Variants in PTPRD observed in about 807,000 individuals in gnomAD.
PTPRD encodes the protein receptor-type tyrosine-protein phosphatase delta.
Under a neutral mutation model 214.5 loss-of-function variants are expected in PTPRD, and 34 were observed. The observed-to-expected ratio is 0.16, with a 90% CI of 0.12 to 0.21. The LOEUF is 0.21. PTPRD is among the 10% of genes least tolerant of loss of function. The probability of loss-of-function intolerance (pLI) is 1.00; values close to 1 mark genes in which losing one functional copy is unlikely to be tolerated. For missense variants in PTPRD, 2,545 were observed against 2,398.7 expected (o/e 1.06, Z -1.27); for synonymous variants, 1,128 against 845.7 (o/e 1.33, Z -5.79).
chr9:10,410,073 T>C (rs1028505883), intron 2 of PTPRD, among the ~76,000 whole-genome samples: 13 of 151,676 alleles, frequency 8.6e-5, no homozygotes, highest in African/African-American at 2.7e-4. Context: ...AATAATTATA[T>C]AGCAATAGAT....
At chr9:8,417,820 T>G (rs982563808) in intron 35 of PTPRD, among the ~76,000 whole-genome samples, 1 of 152,168 alleles carries the variant, frequency 6.6e-6, no homozygotes, top group Non-Finnish European at 1.5e-5. Flanking sequence ...TTATAGCTTG[T>G]GTCCAAAGAA....
chr9:9,337,717 G>T (rs919817214), intron 9 of PTPRD, among the ~76,000 whole-genome samples: 16 of 152,244 alleles, frequency 1.1e-4, no homozygotes, highest in African/African-American at 3.6e-4. Context: ...CAGCCAGTTG[G>T]CTTTCCTCAA....
intron 10 of PTPRD, among the ~76,000 whole-genome samples, chr9:9,063,658 T>C (rs1475866346): frequency 6.6e-6 from 1 of 152,054 alleles, no homozygotes; most frequent in Admixed American, 6.5e-5. Flanking sequence ...ATACAGTGAG[T>C]GAAAAACCAA....
intron 8 of PTPRD, among the ~76,000 whole-genome samples, chr9:9,478,713 C>G (rs1049215739): frequency 2.0e-5 from 3 of 152,042 alleles, no homozygotes; most frequent in African/African-American, 2.4e-5. Context: ...ATTAATTAAT[C>G]TTTTTAAAAA....
chr9:9,191,042 G>A (rs927701081), intron 9 of PTPRD, among the ~76,000 whole-genome samples: 3 of 152,066 alleles, frequency 2.0e-5, no homozygotes. Flanking sequence ...TTGAATGTAG[G>A]CTGGACCCAG....
Position 9,050,783 on chromosome 9 carries a change from C to T in PTPRD, c.-142-32048G>A, listed in dbSNP as rs533765084. Among the ~76,000 whole-genome samples, 121 of 152,098 alleles carry T rather than the reference C, an allele frequency of 8.0e-4. No individual in the cohort carries two copies. The South Asian group carries it at 0.011, about 13-fold the overall frequency. ...CACTCATTTTATCTTTATTAAAGTTCGTTGTTATAATTGTTCTATTTTATT... is the reference window on the plus strand; with the variant it reads ...CACTCATTTTATCTTTATTAAAGTTTGTTGTTATAATTGTTCTATTTTATT... On this transcript the variant is annotated intron_variant, in intron 10 of 45. Transcript: ENST00000381196.
At chr9:9,333,752 A>G (rs1021419615) in intron 9 of PTPRD, among the ~76,000 whole-genome samples, 1 of 151,646 alleles carries the variant, frequency 6.6e-6, no homozygotes, top group Non-Finnish European at 1.5e-5. Flanking sequence ...CATTCATATG[A>G]GGTCAAAATT....
chr9:8,618,998 G>A (rs1239016738), intron 14 of PTPRD, among the ~76,000 whole-genome samples: 1 of 140,472 alleles, frequency 7.1e-6, no homozygotes, highest in Non-Finnish European at 1.5e-5. Context: ...GACCTCAAGT[G>A]ATCTGCCAAC....
At chr9:9,188,394 A>G (rs2099932998) in intron 9 of PTPRD, among the ~76,000 whole-genome samples, 1 of 152,062 alleles carries the variant, frequency 6.6e-6, no homozygotes, top group Non-Finnish European at 1.5e-5. Context: ...GAATTGCTGG[A>G]TCATCTGGTT....
chr9:9,288,009 A>G (rs1950049982), intron 9 of PTPRD, among the ~76,000 whole-genome samples: 1 of 151,726 alleles, frequency 6.6e-6, no homozygotes, highest in Admixed American at 6.6e-5. Context: ...TGCCTAGTAG[A>G]GACTTATCAT....
intron 10 of PTPRD, among the ~76,000 whole-genome samples, chr9:9,148,454 C>T (rs1477605003): frequency 6.6e-6 from 1 of 152,058 alleles, no homozygotes; most frequent in Non-Finnish European, 1.5e-5. Flanking sequence ...AAAAATACAG[C>T]TTCTTTTTGT....
chr9:9,444,274 A>C (rs970880001), intron 8 of PTPRD, among the ~76,000 whole-genome samples: 2 of 152,176 alleles, frequency 1.3e-5, no homozygotes, highest in African/African-American at 4.8e-5. Flanking sequence ...ATTTTAAAGA[A>C]GACAGAGACC....
At chr9:9,261,747 A>G (rs2099980210) in intron 9 of PTPRD, among the ~76,000 whole-genome samples, 1 of 151,676 alleles carries the variant, frequency 6.6e-6, no homozygotes, top group Non-Finnish European at 1.5e-5. Context: ...GAGCTTGAGT[A>G]AGATCATTGG....
intron 11 of PTPRD, among the ~76,000 whole-genome samples, chr9:8,949,644 T>C (rs1378106842): frequency 6.6e-6 from 1 of 152,174 alleles, no homozygotes; most frequent in Non-Finnish European, 1.5e-5. Context: ...GAGGTTTGGT[T>C]CTCATTATGA....
At chr9:8,898,084 C>G (rs2098634819) in intron 11 of PTPRD, among the ~76,000 whole-genome samples, 1 of 152,142 alleles carries the variant, frequency 6.6e-6, no homozygotes. Flanking sequence ...TTTCTCACTT[C>G]TCTGCCCTAG....
chr9:8,614,369 G>A (rs1463773038), intron 14 of PTPRD, among the ~76,000 whole-genome samples: 3 of 152,146 alleles, frequency 2.0e-5, no homozygotes, highest in African/African-American at 7.2e-5. Context: ...AGACTAATGA[G>A]TTCAGAGGTT....
At chr9:8,904,508 C>G (rs2098693842) in intron 11 of PTPRD, among the ~76,000 whole-genome samples, 1 of 151,908 alleles carries the variant, frequency 6.6e-6, no homozygotes, top group Non-Finnish European at 1.5e-5. Context: ...CCTGTCTCTA[C>G]TAAAAACACA....
intron 5 of PTPRD, among the ~76,000 whole-genome samples, chr9:9,889,874 T>C (rs1247291151): frequency 6.6e-6 from 1 of 151,678 alleles, no homozygotes; most frequent in Non-Finnish European, 1.5e-5. Context: ...GGTGCACGGG[T>C]TCTCCAGTGG....
At chr9:10,453,356 A>G (rs1033526278) in intron 2 of PTPRD, among the ~76,000 whole-genome samples, 6 of 151,666 alleles carry the variant, frequency 4.0e-5, no homozygotes, top group Non-Finnish European at 5.9e-5. Flanking sequence ...AAATAACTTA[A>G]GAAGTTTGGT....
Sources: allele counts gnomAD v4.1 joint callset (sites outside exome capture counted in the v4.1 genomes callset), GRCh38; gene constraint gnomAD v4.1.1; transcripts MANE v1.5; gene names NCBI Gene and HGNC (gene_info 2026-07-23, HGNC 2026-07-21).